Variants in HMBOX1 observed in about 807,000 individuals in gnomAD.
The protein encoded by HMBOX1 is homeobox-containing protein 1.
In HMBOX1, 14 loss-of-function variants were observed where a neutral mutation model predicts 54.5. That is an observed-to-expected ratio of 0.26 (90% CI 0.17 to 0.40). The LOEUF is 0.40. Among genes scored for constraint, HMBOX1 ranks in the 10% least tolerant of loss-of-function variants. The pLI, the probability that HMBOX1 is intolerant of heterozygous loss-of-function variation, is 1.00. For missense variants in HMBOX1, 332 were observed against 514.4 expected (o/e 0.65, Z 3.43); for synonymous variants, 160 against 181.0 (o/e 0.88, Z 0.93).
chr8:28,896,977 G>A (rs1228759889), intron 1 of HMBOX1, among the ~76,000 whole-genome samples: 1 of 149,880 alleles, frequency 6.7e-6, no homozygotes, highest in Admixed American at 6.6e-5. Flanking sequence ...ATATTGGCTA[G>A]GTTTTTTTTT....
intron 1 of HMBOX1, among the ~76,000 whole-genome samples, chr8:28,942,639 A>G (rs1463217499): frequency 6.6e-6 from 1 of 152,098 alleles, no homozygotes. Context: ...TGACATGTGT[A>G]TATTCAGCTC....
intron 5 of HMBOX1, among the ~76,000 whole-genome samples, chr8:29,010,436 A>G (rs1834072369): frequency 6.6e-6 from 1 of 152,046 alleles, no homozygotes. Context: ...GCATGCCTGT[A>G]TCCCAGCTAC....
chr8:29,027,632 G>A (rs765347137), intron 6 of HMBOX1, among the ~76,000 whole-genome samples: 4 of 152,130 alleles, frequency 2.6e-5, no homozygotes, highest in Non-Finnish European at 4.4e-5. Flanking sequence ...AAGCAAGAAG[G>A]AAAGAGAAGC....
At chr8:29,017,294 T>C (rs1378075088) in intron 5 of HMBOX1, among the ~76,000 whole-genome samples, 1 of 152,214 alleles carries the variant, frequency 6.6e-6, no homozygotes, top group African/African-American at 2.4e-5. Flanking sequence ...TTAGGAGACC[T>C]AGGCAGAAAT....
chr8:28,961,805 C>T (rs1825633751), intron 1 of HMBOX1, among the ~76,000 whole-genome samples: 2 of 151,760 alleles, frequency 1.3e-5, no homozygotes, highest in Non-Finnish European at 2.9e-5. Context: ...CAGCAATATA[C>T]AAGGATTCCA....
At chr8:28,974,202 C>CT (rs543940120) in intron 3 of HMBOX1, among the ~76,000 whole-genome samples, 7 of 152,064 alleles carry the variant, frequency 4.6e-5, no homozygotes, top group African/African-American at 1.7e-4. Context: ...GTAACTTTCA[C>CT]TTTTTTCATT....
intron 1 of HMBOX1, among the ~76,000 whole-genome samples, chr8:28,916,678 G>T (rs1816621149): frequency 6.6e-6 from 1 of 151,932 alleles, no homozygotes; most frequent in African/African-American, 2.4e-5. Flanking sequence ...CTATCTGTCT[G>T]TCCCTTTTCT....
rs566122031 is a variant in HMBOX1, at chr8:28,983,073, T to C, written c.586+2917T>C. Among the ~76,000 whole-genome samples the C allele has an allele frequency of 2.0e-5, 3 of 152,364 alleles. No homozygotes were observed. In the East Asian group the frequency reaches 5.8e-4, roughly 29 times the overall value. Reference sequence around the variant, plus strand: ...AAAATACATTTACACATTTATTATCTATTGTACCACGTGGACCTTTCTTTT... The same window carrying C: ...AAAATACATTTACACATTTATTATCCATTGTACCACGTGGACCTTTCTTTT... On this transcript the variant is annotated intron_variant, in intron 4 of 9. Coordinates refer to ENST00000287701, the MANE Select transcript of HMBOX1 (RefSeq NM_001135726.3).
At chr8:28,908,612 G>A (rs1467416084) in intron 1 of HMBOX1, among the ~76,000 whole-genome samples, 2 of 151,966 alleles carry the variant, frequency 1.3e-5, no homozygotes, top group African/African-American at 4.8e-5. Flanking sequence ...AAAATTAGCC[G>A]GGCATGGTGG....
In HMBOX1 at chr8:29,052,328, T is replaced by G. The variant is rs887533203; in HGVS notation, c.*1173T>G. 1.4e-4 allele frequency: 21 copies of G among 152,250 alleles called. No individual in the cohort carries two copies. Among genetic ancestry groups the G allele is most frequent in the Admixed American group, 1.2e-3 (18 of 15,286 alleles). 9.4% of individuals were successfully genotyped at this position (152,250 alleles called of 1,614,324 possible). A position where few individuals can be genotyped will look rare whatever the true frequency, so the allele number is the denominator to read the frequency against. ...TGAGAACACGATGGGACTGCTTTGC[T>G]GTTCTCTTTACTCTGTCCTTGGAGA... is the stretch of plus-strand genomic sequence containing the variant. On this transcript the variant is annotated 3_prime_UTR_variant, in exon 10 of 10. Transcript: ENST00000287701.
Position 28,890,522 on chromosome 8 carries a change from C to G in HMBOX1, c.-214C>G, listed in dbSNP as rs949173655. 2 of 153,010 alleles carry G rather than the reference C, an allele frequency of 1.3e-5. No homozygotes were observed. Among genetic ancestry groups the G allele is most frequent in the Non-Finnish European group, 2.9e-5 (2 of 68,338 alleles). The allele number at this position is 153,010 out of a possible 1,614,324, so 9.5% of individuals were successfully genotyped here. A position where few individuals can be genotyped will look rare whatever the true frequency, so the allele number is the denominator to read the frequency against. The stretch of plus-strand genomic sequence containing the variant: ...CCCTCCCCCTTCTCCTCTTCCTGCG[C>G]CGGCCTCAACCCCTCCCCAGTCCCC... On this transcript the variant is annotated 5_prime_UTR_variant, in exon 1 of 10. Coordinates refer to ENST00000287701, the MANE Select transcript of HMBOX1 (RefSeq NM_001135726.3).
intron 1 of HMBOX1, among the ~76,000 whole-genome samples, chr8:28,945,717 A>G (rs773513656): frequency 2.0e-5 from 3 of 152,196 alleles, no homozygotes; most frequent in Non-Finnish European, 4.4e-5. Flanking sequence ...TTTATCTAAT[A>G]ACAGTATTTT....
At chr8:28,907,592 C>T (rs989047690) in intron 1 of HMBOX1, among the ~76,000 whole-genome samples, 1 of 152,100 alleles carries the variant, frequency 6.6e-6, no homozygotes, top group South Asian at 2.1e-4. Flanking sequence ...TGTTATGTGC[C>T]TCTGCTCCTG....
chr8:29,023,770 C>A (rs1563602234), intron 6 of HMBOX1, among the ~76,000 whole-genome samples: 1 of 152,060 alleles, frequency 6.6e-6, no homozygotes, highest in Non-Finnish European at 1.5e-5. Context: ...ATTAAAAAAT[C>A]CCCTATTAAC....
chr8:28,993,890 C>A (rs1031071480), intron 4 of HMBOX1, among the ~76,000 whole-genome samples: 3 of 152,022 alleles, frequency 2.0e-5, no homozygotes, highest in Non-Finnish European at 4.4e-5. Context: ...AGGGGAAGGC[C>A]AGGCATGGTG....
intron 4 of HMBOX1, among the ~76,000 whole-genome samples, chr8:28,982,165 G>A (rs1485813400): frequency 6.6e-6 from 1 of 152,260 alleles, no homozygotes; most frequent in South Asian, 2.1e-4. Flanking sequence ...CCTGGGAAGC[G>A]GAGCTTGCAG....
In HMBOX1 at chr8:29,047,446, C is replaced by CA; in HGVS notation, c.1025dup (p.Asn342LysfsTer3). 1 of 1,543,724 alleles carries CA rather than the reference C, an allele frequency of 6.5e-7. No individual in the cohort carries two copies. Among genetic ancestry groups the CA allele is most frequent in the Non-Finnish European group, 9.0e-7 (1 of 1,116,166 alleles). On this transcript the variant is annotated frameshift_variant, in exon 8 of 10. Coordinates refer to ENST00000287701, the MANE Select transcript of HMBOX1 (RefSeq NM_001135726.3). LOFTEE classifies it high-confidence loss of function. Reference sequence around the variant, plus strand: ...GAAGGAAGGAGATCAAGAGGAGAGCCAATATTGGTAATGTATCAGTGAGGC... The same window carrying CA: ...GAAGGAAGGAGATCAAGAGGAGAGCCAAATATTGGTAATGTATCAGTGAGGC...
intron 6 of HMBOX1, among the ~76,000 whole-genome samples, chr8:29,028,005 T>C (rs1195184168): frequency 6.6e-6 from 1 of 152,206 alleles, no homozygotes; most frequent in Non-Finnish European, 1.5e-5. Flanking sequence ...AAATCATTAG[T>C]AAAGCCTAGA....
chr8:29,039,238 G>C (rs1804449595), intron 6 of HMBOX1, among the ~76,000 whole-genome samples: 1 of 152,076 alleles, frequency 6.6e-6, no homozygotes, highest in Admixed American at 6.6e-5. Flanking sequence ...CAATTGCCCG[G>C]TATAAACTAG....
Sources: allele counts gnomAD v4.1 joint callset (sites outside exome capture counted in the v4.1 genomes callset), GRCh38; gene constraint gnomAD v4.1.1; transcripts MANE v1.5; gene names NCBI Gene and HGNC (gene_info 2026-07-23, HGNC 2026-07-21).